The following ANKH variants were observed in gnomAD, a reference collection of about 807,000 sequenced individuals.
The protein encoded by ANKH is ANKH inorganic pyrophosphate transport regulator.
In ANKH, 15 loss-of-function variants were observed where a neutral mutation model predicts 49.0. That is an observed-to-expected ratio of 0.31 (90% CI 0.20 to 0.47). The LOEUF is 0.47. ANKH is among the 20% of genes least tolerant of loss of function. The pLI is 1.00. For synonymous variants in ANKH, 273 were observed against 260.0 expected (o/e 1.05, Z -0.48); for missense variants, 429 against 652.0 (o/e 0.66, Z 3.72).
intron 1 of ANKH, among the ~76,000 whole-genome samples, chr5:14,842,355 C>T (rs944525393): frequency 1.2e-4 from 18 of 152,170 alleles, no homozygotes; most frequent in African/African-American, 3.1e-4. Context: ...GCATACCTGA[C>T]GGTCAAGGAC....
chr5:14,866,768 G>C (rs1735657410), intron 1 of ANKH, among the ~76,000 whole-genome samples: 1 of 152,074 alleles, frequency 6.6e-6, no homozygotes, highest in African/African-American at 2.4e-5. Flanking sequence ...ATACAGTGTT[G>C]ACTTAATTAT....
chr5:14,748,852 G>A (rs1738622708), intron 6 of ANKH, among the ~76,000 whole-genome samples: 1 of 152,258 alleles, frequency 6.6e-6, no homozygotes, highest in Admixed American at 6.5e-5. Flanking sequence ...GTGGGAGTCA[G>A]AAAACCTGGA....
At position 14,710,830 on chromosome 5, in the gene ANKH, A is replaced by G; in HGVS notation, c.*367T>C. On this transcript the variant is annotated 3_prime_UTR_variant, in exon 12 of 12. Coordinates refer to ENST00000284268, the MANE Select transcript of ANKH (RefSeq NM_054027.6). ...CAGGAGAGTCTGTGGCCTGCTGTGC[A>G]GGGTGACCGAGGCGCGATGGCACAG... 1 of 336,274 alleles carries G rather than the reference A, an allele frequency of 3.0e-6. No individual in the cohort carries two copies. The highest frequency in any genetic ancestry group is 5.8e-6 in the Non-Finnish European group (1 of 172,446). 20.8% of individuals were successfully genotyped at this position (336,274 alleles called of 1,614,324 possible). A position where few individuals can be genotyped will look rare whatever the true frequency, so the allele number is the denominator to read the frequency against.
chr5:14,797,205 A>G (rs142845776), intron 1 of ANKH: 1 of 1,334,008 alleles, frequency 7.5e-7, no homozygotes, highest in East Asian at 2.3e-5. Context: ...CCACACTTGC[A>G]TGATATTGTC....
intron 1 of ANKH, among the ~76,000 whole-genome samples, chr5:14,858,216 C>A (rs1380111200): frequency 2.0e-5 from 3 of 152,118 alleles, no homozygotes; most frequent in Non-Finnish European, 4.4e-5. Context: ...GTCACCTAAG[C>A]AGTGTACACT....
chr5:14,762,686 C>T (rs565045810), intron 2 of ANKH, among the ~76,000 whole-genome samples: 113 of 150,534 alleles, frequency 7.5e-4, no homozygotes, highest in African/African-American at 1.8e-3. Flanking sequence ...TCTGTTGGGG[C>T]GACTCCCTCC....
chr5:14,782,144 A>G lies in ANKH; in HGVS notation c.97-12953T>C, dbSNP rs73750269. On this transcript the variant is annotated intron_variant, in intron 1 of 11. Transcript: ENST00000284268. ...CGTCTACTGCCTTCCATGGACGTTTATAAGTGTGTTTACACTAAGCAAAAA... is the reference window on the plus strand; with the variant it reads ...CGTCTACTGCCTTCCATGGACGTTTGTAAGTGTGTTTACACTAAGCAAAAA... 7.4e-3 allele frequency among the ~76,000 whole-genome samples: 1,127 copies of G among 152,266 alleles called. 16 individuals are homozygous for G. Among genetic ancestry groups the G allele is most frequent in the African/African-American group, 0.025 (1,047 of 41,520 alleles).
chr5:14,824,974 C>T (rs1385023214), intron 1 of ANKH, among the ~76,000 whole-genome samples: 1 of 152,174 alleles, frequency 6.6e-6, no homozygotes, highest in East Asian at 1.9e-4. Flanking sequence ...AGATTATCAC[C>T]TGTTAGCAAC....
intron 1 of ANKH, among the ~76,000 whole-genome samples, chr5:14,801,810 T>A (rs1009171427): frequency 2.0e-5 from 3 of 152,242 alleles, no homozygotes; most frequent in African/African-American, 4.8e-5. Context: ...TCATTCTACA[T>A]ATTCCCTAAG....
At chr5:14,727,842 G>A (rs1737869473) in intron 8 of ANKH, among the ~76,000 whole-genome samples, 1 of 152,004 alleles carries the variant, frequency 6.6e-6, no homozygotes, top group African/African-American at 2.4e-5. Flanking sequence ...AAATGGTGAG[G>A]TTGGTACACT....
chr5:14,747,365 A>T (rs1297245831), intron 6 of ANKH, among the ~76,000 whole-genome samples: 2 of 152,176 alleles, frequency 1.3e-5, no homozygotes, highest in African/African-American at 2.4e-5. Flanking sequence ...GAATTGCTTG[A>T]GCCTGGGAGT....
intron 1 of ANKH, among the ~76,000 whole-genome samples, chr5:14,775,738 A>C (rs1739596004): frequency 6.6e-6 from 1 of 152,200 alleles, no homozygotes; most frequent in African/African-American, 2.4e-5. Flanking sequence ...AGAGAGGTGT[A>C]GAAGGTGGGT....
intron 1 of ANKH, among the ~76,000 whole-genome samples, chr5:14,777,514 G>C (rs1223579956): frequency 6.6e-6 from 1 of 152,132 alleles, no homozygotes; most frequent in Non-Finnish European, 1.5e-5. Flanking sequence ...TGATCTCCCT[G>C]GTATGAGCTG....
At chr5:14,732,521 C>T (rs941558641) in intron 8 of ANKH, among the ~76,000 whole-genome samples, 25 of 151,812 alleles carry the variant, frequency 1.6e-4, no homozygotes, top group Admixed American at 1.3e-4. Context: ...AAAATTATTC[C>T]TTGGCATAAA....
chr5:14,792,137 C>G (rs1024606511), intron 1 of ANKH, among the ~76,000 whole-genome samples: 1 of 151,998 alleles, frequency 6.6e-6, no homozygotes, highest in Admixed American at 6.5e-5. Flanking sequence ...GCTCTGGGCT[C>G]AAGAGAGGAA....
chr5:14,799,336 C>A (rs1236567503), intron 1 of ANKH, among the ~76,000 whole-genome samples: 1 of 152,258 alleles, frequency 6.6e-6, no homozygotes, highest in Non-Finnish European at 1.5e-5. Context: ...GCTGCAGCAA[C>A]TTATCCAGAA....
At chr5:14,857,774 T>A (rs1438392912) in intron 1 of ANKH, among the ~76,000 whole-genome samples, 1 of 152,106 alleles carries the variant, frequency 6.6e-6, no homozygotes, top group Non-Finnish European at 1.5e-5. Flanking sequence ...AAATGCAGAT[T>A]CTCAAAGTCA....
chr5:14,805,119 C>G (rs1740666331), intron 1 of ANKH, among the ~76,000 whole-genome samples: 1 of 151,994 alleles, frequency 6.6e-6, no homozygotes, highest in South Asian at 2.1e-4. Flanking sequence ...GCAGACCCAC[C>G]CTTAATCTGG....
chr5:14,836,318 A>C (rs2126604442), intron 1 of ANKH, among the ~76,000 whole-genome samples: 1 of 152,346 alleles, frequency 6.6e-6, no homozygotes, highest in Admixed American at 6.5e-5. Context: ...GGAAAAGAGG[A>C]AGTGAAATTG....
Sources: allele counts gnomAD v4.1 joint callset (sites outside exome capture counted in the v4.1 genomes callset), GRCh38; gene constraint gnomAD v4.1.1; transcripts MANE v1.5; gene names NCBI Gene and HGNC (gene_info 2026-07-23, HGNC 2026-07-21).